The following DYRK1A variants were observed in gnomAD, a reference collection of about 807,000 sequenced individuals.
DYRK1A encodes the protein dual specificity tyrosine phosphorylation regulated kinase 1A.
Under a neutral mutation model 79.7 loss-of-function variants are expected in DYRK1A, and 9 were observed. The observed-to-expected ratio is 0.11, with a 90% CI of 0.07 to 0.20. The LOEUF (loss-of-function observed/expected upper bound fraction) is 0.20, where lower values mean the gene tolerates loss of function less well. Ranked by LOEUF, DYRK1A falls within the 10% of genes least tolerant of loss-of-function variation. The pLI is 1.00. For missense variants in DYRK1A, 622 were observed against 956.0 expected (o/e 0.65, Z 4.61); for synonymous variants, 349 against 329.7 (o/e 1.06, Z -0.63).
At chr21:37,373,165 TCC>T (rs1385148255) in intron 1 of DYRK1A, among the ~76,000 whole-genome samples, 107 of 141,100 alleles carry the variant, frequency 7.6e-4, no homozygotes, top group African/African-American at 3.4e-3. Context: ...AAACAGCTTC[TCC>T]TCGCTTCAGT....
At chr21:37,509,573 A>T (rs1401300520) in intron 11 of DYRK1A, among the ~76,000 whole-genome samples, 1 of 152,116 alleles carries the variant, frequency 6.6e-6, no homozygotes, top group Non-Finnish European at 1.5e-5. Context: ...CAGCCTCCTG[A>T]GTAACTAGGC....
chr21:37,457,013 T>TTTACTTACTTACTTACTTACTTACTTAC (rs149046084), intron 2 of DYRK1A, among the ~76,000 whole-genome samples: 2 of 141,192 alleles, frequency 1.4e-5, no homozygotes, highest in South Asian at 2.3e-4. Context: ...AAAAAGAAAA[T>TTTACTTACTTACTTACTTACTTACTTAC]TTACTTACTT....
At chr21:37,373,677 C>T (rs931133716) in intron 1 of DYRK1A, among the ~76,000 whole-genome samples, 4 of 152,184 alleles carry the variant, frequency 2.6e-5, no homozygotes, top group Admixed American at 6.5e-5. Context: ...ACATTCCATC[C>T]CTTTAAAGAC....
In DYRK1A at chr21:37,480,758, A is replaced by G; in HGVS notation, c.421A>G (p.Lys141Glu). 6.2e-7 allele frequency: 1 copy of G among 1,612,668 alleles called. No individual in the cohort carries two copies. Among genetic ancestry groups the G allele is most frequent in the African/African-American group, 1.3e-5 (1 of 74,994 alleles). Residue 141 changes from lysine to glutamate, a missense_variant, in exon 5 of 12, where the codon AAA (lysine) becomes GAA (glutamate). By Grantham distance (56) the Lys-to-Glu change is moderately conservative. This residue lies in a region of DYRK1A where 138 missense variants were observed against 346.4 expected (regional missense o/e 0.40). Transcript: ENST00000647188. ...YDDDNYDYIV[K>E]NGEKWMDRYE... ...TGATGATAACTATGATTATATTGTA[A>G]AAAACGGAGAAAAGTGGATGGATCG...
chr21:37,478,602 A>T (rs1014026947), intron 4 of DYRK1A, among the ~76,000 whole-genome samples: 59 of 152,098 alleles, frequency 3.9e-4, no homozygotes, highest in African/African-American at 1.3e-3. Flanking sequence ...GTAATAACTT[A>T]TTCAAAACAA....
At chr21:37,368,731 C>T (rs975779895) in intron 1 of DYRK1A, among the ~76,000 whole-genome samples, 6 of 152,118 alleles carry the variant, frequency 3.9e-5, no homozygotes, top group African/African-American at 1.4e-4. Flanking sequence ...TAAGGTCATA[C>T]AGCTGGGACT....
At chr21:37,492,921 C>A (rs1359325784) in intron 7 of DYRK1A, 96 bp from the exon 8 acceptor site, 7 of 1,021,004 alleles carry the variant, frequency 6.9e-6, no homozygotes, top group South Asian at 2.0e-5. Context: ...AGGAATTAGC[C>A]AATTCTTTTC....
At chr21:37,381,818 T>C (rs1253254497) in intron 1 of DYRK1A, among the ~76,000 whole-genome samples, 2 of 152,138 alleles carry the variant, frequency 1.3e-5, no homozygotes, top group Non-Finnish European at 2.9e-5. Context: ...ACAACAAAAA[T>C]CCCTGTAGCT....
rs979576414 is a variant in DYRK1A, at chr21:37,520,338, G to A, written c.*7807G>A. On this transcript the variant is annotated 3_prime_UTR_variant, in exon 12 of 12. Transcript: ENST00000647188. The stretch of plus-strand genomic sequence containing the variant: ...AGCTCTTAAGTTTATAAATAAAACA[G>A]GGATATTATCGGGGAAGCTTTTGAA... The A allele has an allele frequency of 6.6e-6, 1 of 152,100 alleles. No homozygotes were observed. 9.4% of individuals were successfully genotyped at this position (152,100 alleles called of 1,614,324 possible).
intron 1 of DYRK1A, among the ~76,000 whole-genome samples, chr21:37,398,904 C>CT (rs75261593): frequency 0.016 from 2,158 of 137,066 alleles, 32 homozygotes; most frequent in African/African-American, 0.038. Context: ...GGAGGAGAAA[C>CT]TTTTTTTTTT....
intron 2 of DYRK1A, among the ~76,000 whole-genome samples, chr21:37,423,571 G>GGACCT (rs2050534856): frequency 6.6e-6 from 1 of 151,940 alleles, no homozygotes; most frequent in East Asian, 1.9e-4. Context: ...TTTGATTAAG[G>GGACCT]GACCTCCCCT....
intron 1 of DYRK1A, among the ~76,000 whole-genome samples, chr21:37,390,242 G>T (rs1213002738): frequency 6.6e-6 from 1 of 152,098 alleles, no homozygotes; most frequent in Non-Finnish European, 1.5e-5. Context: ...GGTTTGGGCC[G>T]CAATTTTGGG....
chr21:37,448,371 G>A lies in DYRK1A; in HGVS notation c.11-24313G>A, dbSNP rs2051337837. Among the ~76,000 whole-genome samples the A allele has an allele frequency of 2.6e-5, 4 of 152,148 alleles. No individual in the cohort carries two copies. In the South Asian group the frequency reaches 8.3e-4, roughly 32 times the overall value. On this transcript the variant is annotated intron_variant, in intron 2 of 11. Transcript: ENST00000647188. ...TCTGGTGGAGGGTCCCATAATCAGA[G>A]TCACCTGAGAAACTTCAGAACAATG...
chr21:37,411,048 TTAAAAAA>T (rs2050233417), intron 1 of DYRK1A, among the ~76,000 whole-genome samples: 1 of 52,168 alleles, frequency 1.9e-5, no homozygotes, highest in African/African-American at 1.1e-4. Context: ...GATTCTGTCT[TTAAAAAA>T]AAAAAAAAAA....
chr21:37,472,404 G>A (rs115886587), intron 2 of DYRK1A, among the ~76,000 whole-genome samples: 320 of 152,214 alleles, frequency 2.1e-3, no homozygotes, highest in African/African-American at 7.2e-3. Context: ...TGAAAATCTC[G>A]TAGGTGAAAG....
intron 2 of DYRK1A, among the ~76,000 whole-genome samples, chr21:37,446,812 G>C (rs1271698115): frequency 6.6e-6 from 1 of 152,144 alleles, no homozygotes; most frequent in Non-Finnish European, 1.5e-5. Flanking sequence ...ATATGCCTTA[G>C]GTACGCAAGA....
Position 37,523,388 on chromosome 21 carries a change from G to A in DYRK1A, c.*10857G>A, listed in dbSNP as rs2053948081. 1 of 152,146 alleles carries A rather than the reference G, an allele frequency of 6.6e-6. No homozygotes were observed. The highest frequency in any genetic ancestry group is 1.9e-4 in the East Asian group (1 of 5,178). 9.4% of individuals were successfully genotyped at this position (152,146 alleles called of 1,614,324 possible). A position where few individuals can be genotyped will look rare whatever the true frequency, so the allele number is the denominator to read the frequency against. On this transcript the variant is annotated 3_prime_UTR_variant, in exon 12 of 12. Coordinates refer to ENST00000647188, the MANE Select transcript of DYRK1A (RefSeq NM_001347721.2). ...GAGGGGGCCCCAGGATTATGCCCCG[G>A]GATTAAAAGAAGCTGGGAGGCTCTC...
intron 1 of DYRK1A, among the ~76,000 whole-genome samples, chr21:37,374,402 G>C (rs141759754): frequency 2.0e-4 from 30 of 151,046 alleles, no homozygotes; most frequent in African/African-American, 5.6e-4. Flanking sequence ...AAATATCTAA[G>C]ATTCCCTTAA....
chr21:37,396,771 G>A (rs1476091263), intron 1 of DYRK1A, among the ~76,000 whole-genome samples: 17 of 152,122 alleles, frequency 1.1e-4, no homozygotes, highest in Admixed American at 5.2e-4. Flanking sequence ...GAACACATTA[G>A]AATGTCCTCA....
Sources: allele counts gnomAD v4.1 joint callset (sites outside exome capture counted in the v4.1 genomes callset), GRCh38; gene constraint gnomAD v4.1.1; regional missense constraint gnomAD v4.1.1; transcripts MANE v1.5; gene names NCBI Gene and HGNC (gene_info 2026-07-23, HGNC 2026-07-21).